The following ZMAT4 variants were observed in gnomAD, a reference collection of about 807,000 sequenced individuals.
ZMAT4 encodes zinc finger matrin-type 4, also known as zinc finger matrin-type protein 4.
A neutral mutation model predicts 28.7 loss-of-function variants in ZMAT4; 17 were observed. That is an observed-to-expected ratio of 0.59 (90% CI 0.41 to 0.89). The LOEUF (loss-of-function observed/expected upper bound fraction) is 0.89, where lower values mean the gene tolerates loss of function less well. ZMAT4 is among the 40% of genes least tolerant of loss of function. The pLI, the probability that ZMAT4 is intolerant of heterozygous loss-of-function variation, is 0.00. For missense variants in ZMAT4, 240 were observed against 283.8 expected (o/e 0.85, Z 1.11); for synonymous variants, 117 against 109.2 (o/e 1.07, Z -0.44).
At chr8:40,632,278 T>C (rs1317375746) in intron 5 of ZMAT4, among the ~76,000 whole-genome samples, 1 of 152,212 alleles carries the variant, frequency 6.6e-6, no homozygotes, top group Non-Finnish European at 1.5e-5. Context: ...AAGAAAATGT[T>C]TTTAAAAAGG....
chr8:40,670,392 ATACATCATAATCC>A (rs1808616199), intron 5 of ZMAT4, among the ~76,000 whole-genome samples: 1 of 152,246 alleles, frequency 6.6e-6, no homozygotes, highest in Admixed American at 6.5e-5. Flanking sequence ...TTAATTTCAG[ATACATCATAATCC>A]TACATGTAAA....
intron 3 of ZMAT4, among the ~76,000 whole-genome samples, chr8:40,737,372 G>A (rs1328008188): frequency 1.3e-5 from 2 of 152,106 alleles, no homozygotes; most frequent in African/African-American, 4.8e-5. Flanking sequence ...TGAGATCTCT[G>A]GGTGGGTCAG....
chr8:40,736,176 A>G (rs1811754226), intron 3 of ZMAT4, among the ~76,000 whole-genome samples: 1 of 152,166 alleles, frequency 6.6e-6, no homozygotes, highest in South Asian at 2.1e-4. Flanking sequence ...TTCAACCACA[A>G]TAGCCTCAGG....
At chr8:40,641,605 C>A (rs1807029375) in intron 5 of ZMAT4, among the ~76,000 whole-genome samples, 1 of 152,146 alleles carries the variant, frequency 6.6e-6, no homozygotes, top group African/African-American at 2.4e-5. Context: ...TAAATGTACA[C>A]CTTTGAAACC....
At chr8:40,749,778 G>A (rs772691296) in intron 3 of ZMAT4, among the ~76,000 whole-genome samples, 76 of 152,184 alleles carry the variant, frequency 5.0e-4, no homozygotes, top group Non-Finnish European at 2.1e-4. Context: ...GCCACAGGGA[G>A]GTGACAAGAT....
At chr8:40,591,194 C>T (rs1378024023) in intron 5 of ZMAT4, among the ~76,000 whole-genome samples, 7 of 152,092 alleles carry the variant, frequency 4.6e-5, no homozygotes, top group Non-Finnish European at 7.4e-5. Flanking sequence ...CGTCTAAAAC[C>T]GCAGGGATGG....
chr8:40,860,210 A>C (rs1210819775), intron 1 of ZMAT4, among the ~76,000 whole-genome samples: 1 of 152,104 alleles, frequency 6.6e-6, no homozygotes, highest in Non-Finnish European at 1.5e-5. Flanking sequence ...TAAAAAGAAA[A>C]TGATGATGGT....
intron 6 of ZMAT4, among the ~76,000 whole-genome samples, chr8:40,536,621 G>T (rs1303011547): frequency 6.6e-6 from 1 of 152,028 alleles, no homozygotes; most frequent in Admixed American, 6.6e-5. Flanking sequence ...CATGGTTGGT[G>T]CAGGCAGTTC....
intron 2 of ZMAT4, among the ~76,000 whole-genome samples, chr8:40,779,011 T>C (rs1250685131): frequency 1.3e-5 from 2 of 152,224 alleles, no homozygotes; most frequent in Admixed American, 6.5e-5. Context: ...AATACTAATA[T>C]GGTTTGGCTG....
At chr8:40,805,301 G>A (rs1815032101) in intron 2 of ZMAT4, among the ~76,000 whole-genome samples, 1 of 146,262 alleles carries the variant, frequency 6.8e-6, no homozygotes, top group Non-Finnish European at 1.5e-5. Flanking sequence ...AGGTGCTGGA[G>A]AGGATGTGGA....
chr8:40,765,443 G>A (rs542234257), intron 3 of ZMAT4, among the ~76,000 whole-genome samples: 11 of 152,104 alleles, frequency 7.2e-5, no homozygotes, highest in South Asian at 4.2e-4. Context: ...AAAGTAAGAC[G>A]ATTTTATTGC....
At chr8:40,627,076 G>A (rs966672550) in intron 5 of ZMAT4, among the ~76,000 whole-genome samples, 1 of 152,114 alleles carries the variant, frequency 6.6e-6, no homozygotes, top group African/African-American at 2.4e-5. Context: ...TTCCCTCCCT[G>A]AACTGTGCCT....
chr8:40,589,873 TCTTCCC>T (rs1350578597), intron 5 of ZMAT4, among the ~76,000 whole-genome samples: 56 of 147,622 alleles, frequency 3.8e-4, no homozygotes, highest in African/African-American at 1.3e-3. Context: ...TCTCCCGTCC[TCTTCCC>T]CTTCCCCTTC....
chr8:40,618,229 C>T (rs1003420398), intron 5 of ZMAT4, among the ~76,000 whole-genome samples: 1 of 152,124 alleles, frequency 6.6e-6, no homozygotes, highest in Non-Finnish European at 1.5e-5. Flanking sequence ...CTTATAACAA[C>T]GAGAAAACAA....
intron 2 of ZMAT4, among the ~76,000 whole-genome samples, chr8:40,813,519 A>C (rs777142316): frequency 1.3e-5 from 2 of 152,240 alleles, no homozygotes; most frequent in Non-Finnish European, 2.9e-5. Context: ...AATTCAGTAG[A>C]TGAATCCAAA....
intron 1 of ZMAT4, among the ~76,000 whole-genome samples, chr8:40,868,963 C>T (rs1405909307): frequency 1.3e-5 from 2 of 152,198 alleles, no homozygotes; most frequent in African/African-American, 4.8e-5. Context: ...CTGCAGTGCC[C>T]CTTCCTGATC....
At chr8:40,750,114 A>C (rs1399670558) in intron 3 of ZMAT4, among the ~76,000 whole-genome samples, 1 of 152,190 alleles carries the variant, frequency 6.6e-6, no homozygotes, top group Non-Finnish European at 1.5e-5. Context: ...TTGTCTCAGC[A>C]TGACCTGCAC....
chr8:40,639,163 C>A (rs1476449426), intron 5 of ZMAT4, among the ~76,000 whole-genome samples: 1 of 152,240 alleles, frequency 6.6e-6, no homozygotes, highest in Non-Finnish European at 1.5e-5. Context: ...ACCGGCCACT[C>A]TTCAGAAGGA....
chr8:40,856,348 G>A (rs1243623073), intron 1 of ZMAT4, among the ~76,000 whole-genome samples: 2 of 152,156 alleles, frequency 1.3e-5, no homozygotes, highest in Admixed American at 6.5e-5. Context: ...AAGATGGAAA[G>A]GGTTGGAAAA....
Sources: allele counts gnomAD v4.1 joint callset (sites outside exome capture counted in the v4.1 genomes callset), GRCh38; gene constraint gnomAD v4.1.1; transcripts MANE v1.5; gene names NCBI Gene and HGNC (gene_info 2026-07-23, HGNC 2026-07-21).